EML4: variants seen among roughly 807,000 people sequenced by gnomAD.
EML4 encodes echinoderm microtubule-associated protein-like 4.
EML4 carries 72 observed loss-of-function variants against 129.0 expected under a neutral mutation model. The observed-to-expected ratio is 0.56, with a 90% confidence interval of 0.46 to 0.68. The LOEUF (loss-of-function observed/expected upper bound fraction) is 0.68. Ranked by LOEUF, EML4 falls within the 30% of genes least tolerant of loss-of-function variation. The pLI is 0.00. For synonymous variants in EML4, 532 were observed against 405.0 expected (o/e 1.31, Z -3.77); for missense variants, 1,363 against 1,190.6 (o/e 1.14, Z -2.13).
intron 2 of EML4, among the ~76,000 whole-genome samples, chr2:42,250,800 CATAGTAATATA>C (rs1675716313): frequency 5.3e-5 from 8 of 152,188 alleles, no homozygotes; most frequent in South Asian, 2.1e-4. Flanking sequence ...ATTCTTATTG[CATAGTAATATA>C]TAATGAAATA....
chr2:42,170,116 T>G, intron 1 of EML4: 1 of 153,792 alleles, frequency 6.5e-6, no homozygotes. Context: ...GGGACCCTCA[T>G]TCCCTCTTCA....
chr2:42,180,613 A>C (rs1048952551), intron 1 of EML4, among the ~76,000 whole-genome samples: 1 of 152,170 alleles, frequency 6.6e-6, no homozygotes, highest in African/African-American at 2.4e-5. Flanking sequence ...TTTACACTAT[A>C]ACAATTTGAG....
intron 1 of EML4, among the ~76,000 whole-genome samples, chr2:42,239,022 A>G (rs1053323344): frequency 5.3e-5 from 8 of 152,150 alleles, no homozygotes; most frequent in African/African-American, 1.4e-4. Flanking sequence ...TCCTGCCTCA[A>G]CGTCTCAAAA....
chr2:42,245,472 T>G, intron 1 of EML4, 33 bp from the exon 2 acceptor site: 2 of 1,514,376 alleles, frequency 1.3e-6, no homozygotes, highest in South Asian at 2.4e-5. Flanking sequence ...GCAGTTTACT[T>G]AAAAATATTC....
intron 2 of EML4, among the ~76,000 whole-genome samples, chr2:42,252,833 C>G (rs1210977734): frequency 6.6e-6 from 1 of 152,068 alleles, no homozygotes; most frequent in East Asian, 1.9e-4. Context: ...CTCTGTGTCC[C>G]TAATCCTTAT....
At chr2:42,217,183 T>A (rs1673247455) in intron 1 of EML4, among the ~76,000 whole-genome samples, 1 of 152,236 alleles carries the variant, frequency 6.6e-6, no homozygotes, top group Non-Finnish European at 1.5e-5. Flanking sequence ...AGCTATGACA[T>A]ATGTATATTT....
In EML4 at chr2:42,257,048, T is replaced by G. The variant is rs183522933; in HGVS notation, c.338+418T>G. 1.7e-3 allele frequency among the ~76,000 whole-genome samples: 258 copies of G among 152,304 alleles called. 6 individuals carry two copies. In the South Asian group the frequency reaches 0.025, roughly 15 times the overall value. On this transcript the variant is annotated intron_variant, in intron 3 of 22. Transcript: ENST00000318522. ...GGGAGGTCAAATGCTATTATAACTT[T>G]TATTTTTTAACCATAACTATAAAAT...
At chr2:42,272,681 A>AT (rs1000829711) in intron 6 of EML4, among the ~76,000 whole-genome samples, 35 of 152,196 alleles carry the variant, frequency 2.3e-4, no homozygotes, top group African/African-American at 8.4e-4. Context: ...TCTAGTTTAG[A>AT]TTTTTTTTAA....
chr2:42,322,051 A>C (rs1250316371), intron 19 of EML4, among the ~76,000 whole-genome samples: 1 of 152,258 alleles, frequency 6.6e-6, no homozygotes, highest in South Asian at 2.1e-4. Context: ...GTTCTAGTTC[A>C]TCTGAAATTT....
intron 1 of EML4, among the ~76,000 whole-genome samples, chr2:42,223,358 A>AT (rs1027894305): frequency 1.3e-5 from 2 of 152,042 alleles, no homozygotes; most frequent in Non-Finnish European, 2.9e-5. Flanking sequence ...ATTTGCTATC[A>AT]TTTTTTTGTT....
intron 1 of EML4, among the ~76,000 whole-genome samples, chr2:42,233,902 A>G (rs1674502461): frequency 6.6e-6 from 1 of 152,260 alleles, no homozygotes; most frequent in Non-Finnish European, 1.5e-5. Flanking sequence ...ACTAGGAAAA[A>G]TACTTACTTT....
chr2:42,243,387 G>A (rs1424198770), intron 1 of EML4, among the ~76,000 whole-genome samples: 1 of 151,292 alleles, frequency 6.6e-6, no homozygotes, highest in African/African-American at 2.4e-5. Context: ...AAATTTCTAA[G>A]GCGAGAGACT....
At chr2:42,273,337 T>C (rs2104432756) in intron 6 of EML4, among the ~76,000 whole-genome samples, 1 of 152,320 alleles carries the variant, frequency 6.6e-6, no homozygotes, top group Middle Eastern at 3.4e-3. Context: ...AATAAAGTCA[T>C]TTCAAGCAGT....
In EML4 at chr2:42,169,363, C is replaced by G; in HGVS notation, c.-249C>G. The G allele has an allele frequency of 4.8e-6, 1 of 209,324 alleles. No individual in the cohort carries two copies. The highest frequency in any genetic ancestry group is 9.6e-6 in the Non-Finnish European group (1 of 104,600). The allele number at this position is 209,324 out of a possible 1,614,324, so 13.0% of individuals were successfully genotyped here. On this transcript the variant is annotated 5_prime_UTR_variant, in exon 1 of 23. Transcript: ENST00000318522. ...GGGGCGCGGCGCGGCGCGGCGCTCG[C>G]GGCTGCTGCCTGGGAGGGAGGCCGG...
chr2:42,313,674 T>TC, intron 17 of EML4, among the ~76,000 whole-genome samples: 1 of 152,296 alleles, frequency 6.6e-6, no homozygotes, highest in Middle Eastern at 3.4e-3. Context: ...ATGCCTGTAA[T>TC]CCCAGCACGT....
intron 1 of EML4, among the ~76,000 whole-genome samples, chr2:42,217,086 A>G (rs538638336): frequency 6.6e-6 from 1 of 152,348 alleles, no homozygotes; most frequent in South Asian, 2.1e-4. Context: ...GACAGTCAAT[A>G]TTCTCATAGT....
intron 2 of EML4, among the ~76,000 whole-genome samples, chr2:42,252,434 C>G (rs1675838446): frequency 6.6e-6 from 1 of 152,176 alleles, no homozygotes; most frequent in South Asian, 2.1e-4. Flanking sequence ...TATTCTCAGA[C>G]CACTGCCCTG....
chr2:42,285,992 G>A (rs1273063770), intron 9 of EML4: 7 of 447,178 alleles, frequency 1.6e-5, no homozygotes, highest in Non-Finnish European at 2.9e-5. Context: ...TTATAATAGT[G>A]TACCTGTAGT....
rs543866972 is a variant in EML4, at chr2:42,213,100, A to C, written c.26-32405A>C. 2.0e-5 allele frequency among the ~76,000 whole-genome samples: 3 copies of C among 152,356 alleles called. No homozygotes were observed. In the East Asian group the frequency reaches 5.8e-4, roughly 29 times the overall value. On this transcript the variant is annotated intron_variant, in intron 1 of 22. Coordinates refer to ENST00000318522, the MANE Select transcript of EML4 (RefSeq NM_019063.5). ...CTGCTTCAGTTGTAAAAATGTTAGA[A>C]TCTTACAGCTTTGCCCCCACTTCTT...
Sources: gnomAD v4.1 joint callset for allele counts (sites outside exome capture counted in the v4.1 genomes callset) on GRCh38, gnomAD v4.1.1 for gene constraint, MANE v1.5 for transcripts, NCBI Gene and HGNC (gene_info 2026-07-23, HGNC 2026-07-21) for gene names.